Variants in FGD5 observed in about 807,000 individuals in gnomAD.
The protein encoded by FGD5 is FYVE, RhoGEF and PH domain-containing protein 5.
Under a neutral mutation model 133.4 loss-of-function variants are expected in FGD5, and 28 were observed. The ratio of observed to expected loss-of-function variants is 0.21; its 90% CI spans 0.16 to 0.29. The LOEUF (loss-of-function observed/expected upper bound fraction) is 0.29. Among genes scored for constraint, FGD5 ranks in the 10% least tolerant of loss-of-function variants. The pLI is 1.00. For missense variants in FGD5, 1,858 were observed against 1,895.2 expected (o/e 0.98, Z 0.36); for synonymous variants, 810 against 776.5 (o/e 1.04, Z -0.72).
In FGD5 at chr3:14,922,315, C is replaced by G. The variant is rs2038699182; in HGVS notation, c.3670-96C>G. The stretch of plus-strand genomic sequence containing the variant: ...GACCCACTCACCCACACATCACACA[C>G]CCTGCACAGAGACGCAGGGCAGGGC... On this transcript the variant is annotated intron_variant, in intron 14 of 19. Transcript: ENST00000285046. The surrounding 1 kb of genome is among the most constrained non-coding windows in gnomAD (Gnocchi z 4.1). The G allele has an allele frequency of 6.6e-7, 1 of 1,505,696 alleles. No homozygotes were observed. Among genetic ancestry groups the G allele is most frequent in the Non-Finnish European group, 9.0e-7 (1 of 1,115,536 alleles). The allele number at this position is 1,505,696 out of a possible 1,614,324, so 93.3% of individuals were successfully genotyped here. A position where few individuals can be genotyped will look rare whatever the true frequency, so the allele number is the denominator to read the frequency against.
At chr3:14,889,294 C>T (rs1229920673) in intron 4 of FGD5, among the ~76,000 whole-genome samples, 3 of 152,204 alleles carry the variant, frequency 2.0e-5, no homozygotes, top group Non-Finnish European at 2.9e-5. Flanking sequence ...CACTGTTTTG[C>T]TCTCTGTCAC....
intron 18 of FGD5, among the ~76,000 whole-genome samples, chr3:14,928,869 T>C (rs1040964326): frequency 2.0e-5 from 3 of 152,244 alleles, no homozygotes; most frequent in Non-Finnish European, 4.4e-5. Flanking sequence ...TTTTACTTTT[T>C]GATGTTTTTC....
chr3:14,918,882 T>C (rs1323363486), intron 13 of FGD5, 49 bp downstream of exon 13: 2 of 1,596,330 alleles, frequency 1.3e-6, no homozygotes, highest in African/African-American at 2.7e-5. Flanking sequence ...GGTGTGAGCA[T>C]GGGAAGGTTC....
chr3:14,827,732 C>G (rs900813453), intron 1 of FGD5, among the ~76,000 whole-genome samples: 1 of 152,152 alleles, frequency 6.6e-6, no homozygotes, highest in Admixed American at 6.5e-5. Context: ...TTCCCTCCTG[C>G]AGGCCACAGT....
chr3:14,823,455 G>A (rs2036543464), intron 1 of FGD5, among the ~76,000 whole-genome samples: 1 of 152,184 alleles, frequency 6.6e-6, no homozygotes, highest in Non-Finnish European at 1.5e-5. Context: ...TCTCAAGCCA[G>A]GTGAGGGAGC....
At chr3:14,920,695 G>A (rs1272083050) in intron 13 of FGD5, among the ~76,000 whole-genome samples, 5 of 152,190 alleles carry the variant, frequency 3.3e-5, no homozygotes, top group East Asian at 3.9e-4. Flanking sequence ...GGCCCCAGAC[G>A]CCGCCGTGAT....
At chr3:14,924,414 C>T (rs530197564) in intron 17 of FGD5, among the ~76,000 whole-genome samples, 1 of 152,164 alleles carries the variant, frequency 6.6e-6, no homozygotes, top group Non-Finnish European at 1.5e-5. Context: ...CCCAAGCAGA[C>T]TGCACAGATC....
intron 4 of FGD5, among the ~76,000 whole-genome samples, chr3:14,882,653 G>A (rs1026358542): frequency 1.3e-5 from 2 of 150,836 alleles, no homozygotes; most frequent in East Asian, 2.0e-4. Context: ...AGCCGAGATC[G>A]TGCCACTGCA....
At chr3:14,924,384 C>T (rs1255716421) in intron 17 of FGD5, among the ~76,000 whole-genome samples, 2 of 152,088 alleles carry the variant, frequency 1.3e-5, no homozygotes, top group Admixed American at 1.3e-4. Context: ...TTTCTCCTGC[C>T]CCATAGCTTA....
At chr3:14,839,760 G>T (rs950619548) in intron 1 of FGD5, among the ~76,000 whole-genome samples, 2 of 152,114 alleles carry the variant, frequency 1.3e-5, no homozygotes, top group Non-Finnish European at 2.9e-5. Context: ...GTGAAACCCA[G>T]TCTCTACTAA....
In FGD5 at chr3:14,900,403, A is replaced by G. The variant is rs760417723; in HGVS notation, c.3155A>G (p.Asp1052Gly). 2.5e-6 allele frequency: 4 copies of G among 1,613,200 alleles called. No individual in the cohort carries two copies. Among genetic ancestry groups the G allele is most frequent in the Non-Finnish European group, 1.7e-6 (2 of 1,179,654 alleles). Residue 1052 changes from aspartate to glycine, a missense_variant and splice_region_variant, in exon 8 of 20, where the codon GAC becomes GGC. This residue lies in a region of FGD5 where 1,824 missense variants were observed against 1,848.9 expected (regional missense o/e 0.99). Transcript: ENST00000285046. ...RLFQYQVLLT[D>G]YLNNLCPDSA... ...CTCCTGGTTCTTATCCTGCCAACAG[A>G]CTATTTAAACAACCTTTGTCCGGAC...
chr3:14,906,499 A>G (rs2038344062), intron 9 of FGD5, among the ~76,000 whole-genome samples: 1 of 152,180 alleles, frequency 6.6e-6, no homozygotes, highest in African/African-American at 2.4e-5. Context: ...CTGGAACTGA[A>G]GCCTTGCATG....
At chr3:14,859,220 CAT>C (rs2037347648) in intron 1 of FGD5, among the ~76,000 whole-genome samples, 1 of 152,174 alleles carries the variant, frequency 6.6e-6, no homozygotes. Flanking sequence ...AGGTCATTAA[CAT>C]ATCCATCGCC....
chr3:14,882,587 A>G (rs1260556593), intron 4 of FGD5, among the ~76,000 whole-genome samples: 1 of 151,626 alleles, frequency 6.6e-6, no homozygotes, highest in East Asian at 1.9e-4. Context: ...AATCCCAGCT[A>G]CTCAGGAGGC....
chr3:14,852,965 C>G (rs2037196184), intron 1 of FGD5, among the ~76,000 whole-genome samples: 1 of 152,166 alleles, frequency 6.6e-6, no homozygotes, highest in African/African-American at 2.4e-5. Flanking sequence ...TGCTTTGACC[C>G]ATGAGTCCAG....
rs1419648083 is a variant in FGD5, at chr3:14,924,134, C to T, written c.4064C>T (p.Thr1355Ile). The T allele has an allele frequency of 6.2e-6, 10 of 1,613,860 alleles. No individual in the cohort carries two copies. Among genetic ancestry groups the T allele is most frequent in the Non-Finnish European group, 8.5e-6 (10 of 1,179,902 alleles). ...CAGAAGAAAGTCCCTTCAGCCCTGA[C>T]AGAGGTAAAGCAGGCAGGGCTACCC... ...KKQKKVPSAL[T>I]EVAASGEGSA... The change falls in exon 17 of 20, where the codon ACA becomes ATA. Residue 1355 changes from threonine to isoleucine, a missense_variant. Thr to Ile is a moderately conservative substitution (Grantham distance 89). This residue lies in a region of FGD5 where 1,824 missense variants were observed against 1,848.9 expected (regional missense o/e 0.99). Transcript: ENST00000285046.
intron 2 of FGD5, among the ~76,000 whole-genome samples, chr3:14,875,745 G>A (rs965625055): frequency 2.6e-5 from 4 of 152,160 alleles, no homozygotes; most frequent in East Asian, 3.9e-4. Flanking sequence ...GACTTCAGAG[G>A]TAGAGCAGTG....
At chr3:14,928,272 A>G (rs962623446) in intron 18 of FGD5, among the ~76,000 whole-genome samples, 1 of 151,914 alleles carries the variant, frequency 6.6e-6, no homozygotes, top group African/African-American at 2.4e-5. Flanking sequence ...CAGTCTCACT[A>G]TATTGCTCAG....
intron 10 of FGD5, among the ~76,000 whole-genome samples, chr3:14,910,075 C>G (rs1175994492): frequency 6.6e-6 from 1 of 151,846 alleles, no homozygotes; most frequent in Non-Finnish European, 1.5e-5. Context: ...TGATAATGCA[C>G]TTTTCATGAA....
Sources: gnomAD v4.1 joint callset for allele counts (sites outside exome capture counted in the v4.1 genomes callset) on GRCh38, gnomAD v4.1.1 for gene constraint, gnomAD v4.1.1 regional missense constraint, Gnocchi (gnomAD v3.1) non-coding constraint, MANE v1.5 for transcripts, NCBI Gene and HGNC (gene_info 2026-07-23, HGNC 2026-07-21) for gene names.